The following KCNJ15 variants were observed in gnomAD, a reference collection of about 807,000 sequenced individuals.
The protein encoded by KCNJ15 is potassium inwardly rectifying channel subfamily J member 15.
A neutral mutation model predicts 23.0 loss-of-function variants in KCNJ15; 14 were observed. The ratio of observed to expected loss-of-function variants is 0.61; its 90% CI spans 0.40 to 0.95. The LOEUF (loss-of-function observed/expected upper bound fraction) is 0.95, where lower values mean the gene tolerates loss of function less well. Among genes scored for constraint, KCNJ15 ranks in the 40% least tolerant of loss-of-function variants. KCNJ15 has a pLI of 0.00. For missense variants in KCNJ15, 388 were observed against 461.8 expected, an observed-to-expected ratio of 0.84 and a Z score of 1.46; for synonymous variants, 185 against 183.2, an observed-to-expected ratio of 1.01 and a Z score of -0.08.
At chr21:38,257,206 A>G (rs1210009640) in intron 1 of KCNJ15, 21 bp downstream of exon 1, 1 of 152,272 alleles carries the variant, frequency 6.6e-6, no homozygotes, top group East Asian at 1.9e-4. Context: ...CACGGCGCTT[A>G]TGTTAACTCT....
intron 1 of KCNJ15, among the ~76,000 whole-genome samples, chr21:38,271,480 G>A (rs1334421866): frequency 6.6e-6 from 1 of 152,230 alleles, no homozygotes; most frequent in African/African-American, 2.4e-5. Flanking sequence ...AGAGATCAGA[G>A]GAGTGAGTGG....
At chr21:38,268,648 C>T (rs1981750215) in intron 1 of KCNJ15, among the ~76,000 whole-genome samples, 2 of 148,164 alleles carry the variant, frequency 1.3e-5, no homozygotes, top group South Asian at 4.4e-4. Context: ...GAAGGTCATT[C>T]TAATGAGAGA....
chr21:38,234,608 G>C (rs910021979), intron 1 of KCNJ15, among the ~76,000 whole-genome samples: 1 of 152,174 alleles, frequency 6.6e-6, no homozygotes, highest in Non-Finnish European at 1.5e-5. Flanking sequence ...AGCCTTTTAT[G>C]AACAGGACAG....
chr21:38,243,557 G>T (rs575403150), intron 1 of KCNJ15, among the ~76,000 whole-genome samples: 2 of 152,174 alleles, frequency 1.3e-5, no homozygotes, highest in Non-Finnish European at 2.9e-5. Context: ...AAGTAGCTGG[G>T]ATTACAGGAG....
chr21:38,260,635 G>T (rs531206986), intron 1 of KCNJ15, among the ~76,000 whole-genome samples: 25 of 152,176 alleles, frequency 1.6e-4, no homozygotes, highest in Non-Finnish European at 3.5e-4. Context: ...ACGTGATCAT[G>T]CTCACGTCAG....
chr21:38,268,569 A>AAAG (rs1981730095), intron 1 of KCNJ15, among the ~76,000 whole-genome samples: 2 of 136,034 alleles, frequency 1.5e-5, no homozygotes, highest in African/African-American at 2.9e-5. Flanking sequence ...AAAAAAAAAA[A>AAAG]AAAAAAAAGA....
At chr21:38,293,798 A>G (rs1349801383) in intron 1 of KCNJ15, among the ~76,000 whole-genome samples, 1 of 152,254 alleles carries the variant, frequency 6.6e-6, no homozygotes, top group African/African-American at 2.4e-5. Context: ...GCCCTCTGGA[A>G]TCTGCTGAGA....
intron 1 of KCNJ15, among the ~76,000 whole-genome samples, chr21:38,295,679 T>C (rs1188404410): frequency 1.3e-5 from 2 of 152,200 alleles, no homozygotes; most frequent in African/African-American, 2.4e-5. Context: ...GCCAGGTCTA[T>C]TGAAGAATCA....
At chr21:38,296,192 A>G (rs1985133125) in intron 1 of KCNJ15, among the ~76,000 whole-genome samples, 1 of 152,202 alleles carries the variant, frequency 6.6e-6, no homozygotes, top group African/African-American at 2.4e-5. Context: ...ACCGGTAATA[A>G]ATAGATAGAT....
intron 1 of KCNJ15, chr21:38,238,662 C>A: frequency 1.8e-6 from 1 of 540,636 alleles, no homozygotes; most frequent in Non-Finnish European, 3.5e-6. Flanking sequence ...TGGCGCTGGG[C>A]TCTGGAGACT....
intron 1 of KCNJ15, among the ~76,000 whole-genome samples, chr21:38,293,106 A>G (rs1684131146): frequency 6.6e-6 from 1 of 152,162 alleles, no homozygotes; most frequent in Non-Finnish European, 1.5e-5. Flanking sequence ...AGGTTTCACT[A>G]GGTTTTGCCT....
At chr21:38,272,154 G>C (rs1473053905) in intron 1 of KCNJ15, 2 of 152,222 alleles carry the variant, frequency 1.3e-5, no homozygotes, top group Admixed American at 1.3e-4. Flanking sequence ...CCAGGCCTCT[G>C]TGGTAGTTAA....
intron 1 of KCNJ15, among the ~76,000 whole-genome samples, chr21:38,273,948 T>G (rs1369940127): frequency 2.0e-5 from 3 of 152,246 alleles, no homozygotes; most frequent in Non-Finnish European, 4.4e-5. Context: ...GGCTTCTTCA[T>G]GTGCTCAATT....
chr21:38,233,088 C>T (rs1415632374), intron 1 of KCNJ15, among the ~76,000 whole-genome samples: 1 of 151,844 alleles, frequency 6.6e-6, no homozygotes, highest in East Asian at 1.9e-4. Flanking sequence ...CTGTTTCTTC[C>T]TTCAATTCCA....
At chr21:38,272,097 G>C (rs1049596642) in intron 1 of KCNJ15, among the ~76,000 whole-genome samples, 1 of 152,212 alleles carries the variant, frequency 6.6e-6, no homozygotes, top group African/African-American at 2.4e-5. Flanking sequence ...AATTTCTGGT[G>C]ACTTCTACCA....
chr21:38,243,465 A>C lies in KCNJ15; in HGVS notation c.-398-13581A>C, dbSNP rs554328106. ...TACTTTTTGAGATGGAGTATCACCC[A>C]GGCTGGAATGCAGTGGCGTGATCTC... On this transcript the variant is annotated intron_variant, in intron 1 of 4. Coordinates refer to the KCNJ15 transcript ENST00000547341. Among the ~76,000 whole-genome samples, 361 of 97,810 alleles carry C rather than the reference A, an allele frequency of 3.7e-3. 2 individuals carry two copies. The highest frequency in any genetic ancestry group is 0.018 in the African/African-American group (352 of 19,580). 64.2% of individuals were successfully genotyped at this position (97,810 alleles called of 152,430 possible).
At position 38,299,575 on chromosome 21, in the gene KCNJ15, C is replaced by A. The variant is rs148451839; in HGVS notation, c.314C>A (p.Thr105Asn). The A allele has an allele frequency of 1.9e-4, 300 of 1,614,010 alleles. 1 individual carries two copies. In the African/African-American group the frequency reaches 3.7e-3, roughly 20 times the overall value. Residue 105 changes from threonine (T) to asparagine (N), a missense_variant, in exon 3 of 3, where the codon ACC becomes AAC. Thr to Asn is a moderately conservative substitution (Grantham distance 65, BLOSUM62 0). Coordinates refer to ENST00000398938, the MANE Select transcript of KCNJ15 (RefSeq NM_170736.3). This position sits in a 1 kb window ranked among gnomAD's most constrained non-coding sequence, Gnocchi z 4.5. ...LEPGEPISNH[T>N]PCIMKVDSLT... ...CCCGGTGAGCCCATTTCAAATCATA[C>A]CCCCTGCATCATGAAAGTGGACTCT...
intron 1 of KCNJ15, among the ~76,000 whole-genome samples, chr21:38,276,826 A>G (rs573179772): frequency 2.0e-5 from 3 of 152,282 alleles, no homozygotes; most frequent in African/African-American, 7.2e-5. Flanking sequence ...TTGAAGTTTG[A>G]TCAAGGCATT....
At position 38,235,945 on chromosome 21, in the gene KCNJ15, T is replaced by A. The variant is rs569251954; in HGVS notation, c.-398-21101T>A. 9.2e-5 allele frequency among the ~76,000 whole-genome samples: 14 copies of A among 152,364 alleles called. No individual in the cohort carries two copies. The South Asian group carries it at 2.9e-3, about 32-fold the overall frequency. ...TTTGATGAGCTTCAATTAGAAATGTTTTTTTCCAGAATATATCATTTTTCT... is the reference window on the plus strand; with the variant it reads ...TTTGATGAGCTTCAATTAGAAATGTATTTTTCCAGAATATATCATTTTTCT... On this transcript the variant is annotated intron_variant, in intron 1 of 4. Transcript: ENST00000547341.
Sources: allele counts gnomAD v4.1 joint callset (sites outside exome capture counted in the v4.1 genomes callset), GRCh38; gene constraint gnomAD v4.1.1; non-coding constraint Gnocchi (gnomAD v3.1); transcripts MANE v1.5; gene names NCBI Gene and HGNC (gene_info 2026-07-23, HGNC 2026-07-21).